Variants in ATG10 observed in about 807,000 individuals in gnomAD.
ATG10 encodes autophagy related 10, also known as ubiquitin-like-conjugating enzyme ATG10.
Under a neutral mutation model 32.1 loss-of-function variants are expected in ATG10, and 30 were observed. The ratio of observed to expected loss-of-function variants is 0.94; its 90% CI spans 0.70 to 1.27. The LOEUF (loss-of-function observed/expected upper bound fraction) is 1.27, where lower values mean the gene tolerates loss of function less well. ATG10 is among the 50% of genes most tolerant of loss of function. The pLI, the probability that ATG10 is intolerant of heterozygous loss-of-function variation, is 0.00. For synonymous variants in ATG10, 87 were observed against 91.5 expected, an observed-to-expected ratio of 0.95 and a Z score of 0.28; for missense variants, 233 against 262.3, an observed-to-expected ratio of 0.89 and a Z score of 0.77.
At chr5:82,208,598 T>C (rs1745385799) in intron 5 of ATG10, among the ~76,000 whole-genome samples, 1 of 152,226 alleles carries the variant, frequency 6.6e-6, no homozygotes, top group East Asian at 1.9e-4. Flanking sequence ...TATTCTTATC[T>C]CATTTCCTTC....
At chr5:82,069,920 T>C (rs1200134026) in intron 3 of ATG10, among the ~76,000 whole-genome samples, 1 of 152,124 alleles carries the variant, frequency 6.6e-6, no homozygotes, top group Non-Finnish European at 1.5e-5. Context: ...TTTAACAATA[T>C]TGTTTTTGAT....
chr5:82,072,550 T>A (rs1764161035), intron 3 of ATG10, among the ~76,000 whole-genome samples: 1 of 152,212 alleles, frequency 6.6e-6, no homozygotes, highest in South Asian at 2.1e-4. Flanking sequence ...GAAAGGCTTT[T>A]TGTGAACATA....
intron 5 of ATG10, among the ~76,000 whole-genome samples, chr5:82,196,140 G>A (rs1278178729): frequency 6.6e-6 from 1 of 152,130 alleles, no homozygotes; most frequent in Non-Finnish European, 1.5e-5. Flanking sequence ...AATGTCTAAT[G>A]ATGTTGAGTA....
intron 5 of ATG10, among the ~76,000 whole-genome samples, chr5:82,248,180 C>A (rs1308106658): frequency 2.0e-5 from 3 of 152,220 alleles, no homozygotes; most frequent in Non-Finnish European, 4.4e-5. Flanking sequence ...AACTTATCTA[C>A]CCCTTCTGTG....
intron 3 of ATG10, among the ~76,000 whole-genome samples, chr5:82,091,324 C>T (rs1184967656): frequency 1.3e-5 from 2 of 152,144 alleles, no homozygotes; most frequent in African/African-American, 4.8e-5. Flanking sequence ...CCTGCCTCAG[C>T]CTCCTTAATA....
At position 82,025,559 on chromosome 5, in the gene ATG10, G is replaced by A. The variant is rs13186095; in HGVS notation, c.109-32936G>A. On this transcript the variant is annotated intron_variant, in intron 2 of 7. Transcript: ENST00000282185. The stretch of plus-strand genomic sequence containing the variant: ...ATAAGGGAGAAAGCTGAAAGTTGGG[G>A]ATGAGATCAGAGCTTCTTAATTACT... 3.9e-3 allele frequency among the ~76,000 whole-genome samples: 588 copies of A among 152,264 alleles called. 1 individual carries two copies. Among genetic ancestry groups the A allele is most frequent in the Middle Eastern group, 6.8e-3 (2 of 294 alleles).
At chr5:82,245,988 C>T (rs552660470) in intron 5 of ATG10, among the ~76,000 whole-genome samples, 1 of 151,200 alleles carries the variant, frequency 6.6e-6, no homozygotes, top group East Asian at 1.9e-4. Context: ...TGCTTCACAA[C>T]AAGAAAAAGC....
chr5:82,204,433 A>G lies in ATG10; in HGVS notation c.453+25846A>G, dbSNP rs556588278. Among the ~76,000 whole-genome samples the G allele has an allele frequency of 2.6e-5, 4 of 152,332 alleles. No homozygotes were observed. In the East Asian group the frequency reaches 5.8e-4, roughly 22 times the overall value. The stretch of plus-strand genomic sequence containing the variant: ...TTTTGATAAATAATTTTTGTATTTT[A>G]CAATGTACCAGACACCTATAGTAAT... On this transcript the variant is annotated intron_variant, in intron 5 of 7. Transcript: ENST00000282185.
intron 5 of ATG10, among the ~76,000 whole-genome samples, chr5:82,195,226 C>G (rs940125265): frequency 6.6e-6 from 1 of 152,148 alleles, no homozygotes; most frequent in African/African-American, 2.4e-5. Context: ...GAAAAAAATT[C>G]CTCCTGTCTT....
At chr5:82,239,615 G>A (rs1443375242) in intron 5 of ATG10, among the ~76,000 whole-genome samples, 1 of 152,132 alleles carries the variant, frequency 6.6e-6, no homozygotes, top group East Asian at 1.9e-4. Flanking sequence ...AGGCCTGTAG[G>A]TAAGAAGAAG....
intron 3 of ATG10, among the ~76,000 whole-genome samples, chr5:82,074,805 T>C (rs1030465123): frequency 7.9e-5 from 12 of 152,212 alleles, no homozygotes; most frequent in Non-Finnish European, 2.9e-5. Context: ...CCTAACACTT[T>C]ATGTTAAGTT....
At chr5:81,979,689 CTT>C (rs35202555) in intron 1 of ATG10, among the ~76,000 whole-genome samples, 96 of 123,708 alleles carry the variant, frequency 7.8e-4, no homozygotes, top group Non-Finnish European at 9.4e-4. Flanking sequence ...GTAGGTAAAC[CTT>C]TTTTTTTTTT....
intron 2 of ATG10, among the ~76,000 whole-genome samples, chr5:82,029,231 G>T (rs568682137): frequency 6.6e-6 from 1 of 152,286 alleles, no homozygotes; most frequent in African/African-American, 2.4e-5. Context: ...GGAGAAAAGT[G>T]ATAAATATTC....
intron 3 of ATG10, among the ~76,000 whole-genome samples, chr5:82,130,016 T>C (rs1229348043): frequency 2.0e-5 from 3 of 152,168 alleles, no homozygotes; most frequent in African/African-American, 7.2e-5. Context: ...CTGGGGCTGC[T>C]GCCTGTTTTT....
chr5:82,158,125 C>T (rs1234838591), intron 3 of ATG10, among the ~76,000 whole-genome samples: 6 of 152,016 alleles, frequency 3.9e-5, no homozygotes, highest in Non-Finnish European at 8.8e-5. Flanking sequence ...AAGCTTAATT[C>T]GTATCAGATT....
intron 5 of ATG10, among the ~76,000 whole-genome samples, chr5:82,211,967 C>A (rs1037347268): frequency 6.6e-6 from 1 of 152,208 alleles, no homozygotes; most frequent in Non-Finnish European, 1.5e-5. Flanking sequence ...TTGAACATCT[C>A]TGGAGAAAAA....
chr5:82,206,518 C>T (rs1561357107), intron 5 of ATG10, among the ~76,000 whole-genome samples: 2 of 151,926 alleles, frequency 1.3e-5, no homozygotes, highest in African/African-American at 4.8e-5. Context: ...GGCTTGGTGG[C>T]ATGTGCCTGT....
chr5:82,250,374 AC>A (rs987035526), intron 5 of ATG10, among the ~76,000 whole-genome samples: 13 of 152,146 alleles, frequency 8.5e-5, no homozygotes, highest in African/African-American at 2.9e-4. Context: ...TGGCTCAAGA[AC>A]CAACACTTAT....
intron 3 of ATG10, among the ~76,000 whole-genome samples, chr5:82,156,977 C>T (rs1232729038): frequency 1.3e-5 from 2 of 152,092 alleles, no homozygotes; most frequent in Non-Finnish European, 2.9e-5. Context: ...TTGCTGTTTC[C>T]TATGCAGTCT....
Sources: allele counts gnomAD v4.1 joint callset (sites outside exome capture counted in the v4.1 genomes callset), GRCh38; gene constraint gnomAD v4.1.1; transcripts MANE v1.5; gene names NCBI Gene and HGNC (gene_info 2026-07-23, HGNC 2026-07-21).